The following NCKAP5 variants were observed in gnomAD, a reference collection of about 807,000 sequenced individuals.
NCKAP5 encodes NCK associated protein 5.
NCKAP5 carries 92 observed loss-of-function variants against 167.0 expected under a neutral mutation model. The observed-to-expected ratio is 0.55, with a 90% CI of 0.47 to 0.66. The LOEUF (loss-of-function observed/expected upper bound fraction) is 0.66, where lower values mean the gene tolerates loss of function less well. NCKAP5 is among the 30% of genes least tolerant of loss of function. The pLI is 0.00. For synonymous variants in NCKAP5, 891 were observed against 877.4 expected, an observed-to-expected ratio of 1.02 and a Z score of -0.27; for missense variants, 2,378 against 2,315.0, an observed-to-expected ratio of 1.03 and a Z score of -0.56.
At chr2:132,914,286 T>A (rs557156393) in intron 8 of NCKAP5, among the ~76,000 whole-genome samples, 5 of 151,034 alleles carry the variant, frequency 3.3e-5, no homozygotes, top group Admixed American at 6.6e-5. Flanking sequence ...ATAGAAATGT[T>A]TCTTTTTAAA....
intron 3 of NCKAP5, among the ~76,000 whole-genome samples, chr2:133,420,263 G>A (rs190594077): frequency 6.6e-6 from 1 of 152,160 alleles, no homozygotes; most frequent in Non-Finnish European, 1.5e-5. Flanking sequence ...GTACAATGGG[G>A]TATTATTTGG....
intron 3 of NCKAP5, among the ~76,000 whole-genome samples, chr2:133,329,179 G>A (rs1423449023): frequency 2.6e-5 from 4 of 152,112 alleles, no homozygotes; most frequent in South Asian, 4.2e-4. Flanking sequence ...TGGAGGCTTC[G>A]CTGACAGCAG....
the NCKAP5 span, among the ~76,000 whole-genome samples, chr2:133,605,897 C>A: frequency 2.8e-4 from 43 of 152,286 alleles, no homozygotes; most frequent in Middle Eastern, 3.4e-3. Flanking sequence ...CAGGAGGCTC[C>A]TCTGAGGCTC....
At chr2:132,951,173 G>A (rs190393192) in intron 8 of NCKAP5, among the ~76,000 whole-genome samples, 43 of 152,172 alleles carry the variant, frequency 2.8e-4, no homozygotes, top group Admixed American at 2.4e-3. Context: ...AAACACAGTC[G>A]AACCTGCTTT....
At chr2:133,270,912 ATT>A (rs1255134862) in intron 4 of NCKAP5, among the ~76,000 whole-genome samples, 9 of 128,964 alleles carry the variant, frequency 7.0e-5, no homozygotes, top group African/African-American at 8.8e-5. Context: ...GTTGCTTCAA[ATT>A]TTTTTTTTTT....
chr2:133,206,620 T>C (rs1293137674), intron 5 of NCKAP5, among the ~76,000 whole-genome samples: 1 of 152,156 alleles, frequency 6.6e-6, no homozygotes, highest in Non-Finnish European at 1.5e-5. Flanking sequence ...TTGTAAAATA[T>C]GTGTTTGAAC....
Position 132,783,248 on chromosome 2 carries a change from G to C in NCKAP5, c.3563C>G (p.Ser1188Cys). The part of the protein sequence containing the change: ...ASKSSVAVNK[S>C]KPEDSKNPAS... ...TGGATTCTTGGAGTCCTCTGGCTTA[G>C]ACTTGTTCACAGCCACGGAACTTTT... Residue 1188 changes from serine (S) to cysteine (C), a missense_variant, in exon 14 of 20, where the codon TCT (serine) becomes TGT (cysteine). This residue lies in a region of NCKAP5 where 1,325 missense variants were observed against 1,274.5 expected (regional missense o/e 1.04). Transcript: ENST00000409261. The C allele has an allele frequency of 6.2e-7, 1 of 1,613,962 alleles. No homozygotes were observed. The highest frequency in any genetic ancestry group is 8.5e-7 in the Non-Finnish European group (1 of 1,179,882).
chr2:133,479,514 T>C (rs1313198553), intron 3 of NCKAP5, among the ~76,000 whole-genome samples: 6 of 152,230 alleles, frequency 3.9e-5, no homozygotes, highest in Non-Finnish European at 8.8e-5. Context: ...ATATTTCTAA[T>C]GCACAGAAAT....
intron 5 of NCKAP5, among the ~76,000 whole-genome samples, chr2:133,179,936 G>A (rs1410161195): frequency 2.0e-5 from 3 of 150,394 alleles, no homozygotes; most frequent in Non-Finnish European, 4.4e-5. Flanking sequence ...AGAAAGAATA[G>A]ATAAAAAAAA....
At chr2:132,998,652 A>C (rs915468442) in intron 6 of NCKAP5, among the ~76,000 whole-genome samples, 1 of 152,184 alleles carries the variant, frequency 6.6e-6, no homozygotes, top group Non-Finnish European at 1.5e-5. Context: ...CCAAAAATCA[A>C]AAATCAAAGA....
At chr2:133,553,916 G>A (rs1687556537) in intron 2 of NCKAP5, among the ~76,000 whole-genome samples, 1 of 152,172 alleles carries the variant, frequency 6.6e-6, no homozygotes, top group Non-Finnish European at 1.5e-5. Flanking sequence ...CCAGGAATCT[G>A]AGCAGAGCTT....
chr2:132,907,720 C>T (rs922802233), intron 8 of NCKAP5, among the ~76,000 whole-genome samples: 1 of 151,972 alleles, frequency 6.6e-6, no homozygotes, highest in Non-Finnish European at 1.5e-5. Context: ...TTCAGTGGCA[C>T]GATCTTGGCT....
In NCKAP5 at chr2:133,516,399, C is replaced by T. The variant is rs1684001688; in HGVS notation, c.69+1059G>A. Reference sequence around the variant, plus strand: ...ACCTGAAATACACCAAAGTTGGCCTCTAAAGGTATGCTGGTCAATGCACAG... The same window carrying T: ...ACCTGAAATACACCAAAGTTGGCCTTTAAAGGTATGCTGGTCAATGCACAG... On this transcript the variant is annotated intron_variant, in intron 3 of 19. Transcript: ENST00000409261. Among the ~76,000 whole-genome samples, 2 of 152,280 alleles carry T rather than the reference C, an allele frequency of 1.3e-5. 1 individual carries two copies. The highest frequency in any genetic ancestry group is 4.1e-4 in the South Asian group (2 of 4,828).
At chr2:133,091,980 C>T (rs2081200051) in intron 6 of NCKAP5, among the ~76,000 whole-genome samples, 1 of 152,150 alleles carries the variant, frequency 6.6e-6, no homozygotes, top group Non-Finnish European at 1.5e-5. Context: ...TTGATGAGTA[C>T]ATTCTTCTAG....
At chr2:133,054,539 T>C (rs2079726007) in intron 6 of NCKAP5, among the ~76,000 whole-genome samples, 1 of 152,120 alleles carries the variant, frequency 6.6e-6, no homozygotes, top group Non-Finnish European at 1.5e-5. Context: ...TGCCTCTGAG[T>C]GTTTTTAAAG....
intron 6 of NCKAP5, among the ~76,000 whole-genome samples, chr2:133,034,215 T>C (rs572928044): frequency 6.6e-6 from 1 of 152,198 alleles, no homozygotes; most frequent in South Asian, 2.1e-4. Context: ...GAGTGAAATA[T>C]TTAAAGTGCT....
At chr2:133,041,501 G>A (rs1402482988) in intron 6 of NCKAP5, among the ~76,000 whole-genome samples, 2 of 152,148 alleles carry the variant, frequency 1.3e-5, no homozygotes, top group African/African-American at 4.8e-5. Flanking sequence ...TCAAAAGACA[G>A]ATACTTTGAA....
intron 3 of NCKAP5, among the ~76,000 whole-genome samples, chr2:133,446,037 T>C (rs1462128286): frequency 6.6e-6 from 1 of 152,144 alleles, no homozygotes; most frequent in Non-Finnish European, 1.5e-5. Context: ...CACTTGGCCA[T>C]GTCTTAATGC....
At chr2:132,887,008 T>C (rs963202984) in intron 8 of NCKAP5, among the ~76,000 whole-genome samples, 17 of 152,232 alleles carry the variant, frequency 1.1e-4, no homozygotes, top group African/African-American at 3.4e-4. Flanking sequence ...TGGATAAAGA[T>C]ACTCAATTTG....
Sources: gnomAD v4.1 joint callset for allele counts (sites outside exome capture counted in the v4.1 genomes callset) on GRCh38, gnomAD v4.1.1 for gene constraint, gnomAD v4.1.1 regional missense constraint, MANE v1.5 for transcripts, NCBI Gene and HGNC (gene_info 2026-07-23, HGNC 2026-07-21) for gene names.